Variants in INPP4B observed in about 807,000 individuals in gnomAD.
The protein encoded by INPP4B is inositol polyphosphate-4-phosphatase type II B.
In INPP4B, 55 loss-of-function variants were observed where a neutral mutation model predicts 122.5. That is an observed-to-expected ratio of 0.45 (90% CI 0.36 to 0.56). INPP4B has a LOEUF of 0.56. Ranked by LOEUF, INPP4B falls within the 20% of genes least tolerant of loss-of-function variation. INPP4B has a pLI of 0.00. For missense variants in INPP4B, 1,000 were observed against 1,097.7 expected (o/e 0.91, Z 1.26); for synonymous variants, 403 against 388.7 (o/e 1.04, Z -0.43).
At chr4:142,266,085 A>G (rs993392457) in intron 10 of INPP4B, among the ~76,000 whole-genome samples, 1 of 152,180 alleles carries the variant, frequency 6.6e-6, no homozygotes, top group African/African-American at 2.4e-5. Flanking sequence ...AGGTCTAGGC[A>G]TAATTATCTG....
At chr4:142,112,875 C>T (rs569845269) in intron 21 of INPP4B, among the ~76,000 whole-genome samples, 193 bp from the exon 22 acceptor site, 3 of 152,170 alleles carry the variant, frequency 2.0e-5, no homozygotes, top group Non-Finnish European at 4.4e-5. Context: ...AATTCATTTA[C>T]GTGTGTGATT....
chr4:142,038,721 G>A (rs1745483513), intron 25 of INPP4B, among the ~76,000 whole-genome samples: 1 of 152,182 alleles, frequency 6.6e-6, no homozygotes, highest in Non-Finnish European at 1.5e-5. Context: ...TTATGATTAA[G>A]TGGTTGTTGA....
intron 14 of INPP4B, among the ~76,000 whole-genome samples, chr4:142,193,843 T>G (rs1232750038): frequency 6.6e-6 from 1 of 152,172 alleles, no homozygotes; most frequent in African/African-American, 2.4e-5. Context: ...AAATTGAAAC[T>G]TAATCCTTTG....
chr4:142,456,602 A>G (rs147869622), intron 3 of INPP4B, among the ~76,000 whole-genome samples: 4 of 152,254 alleles, frequency 2.6e-5, no homozygotes, highest in Non-Finnish European at 4.4e-5. Context: ...TATAGAATAT[A>G]AAATATAAAG....
intron 1 of INPP4B, among the ~76,000 whole-genome samples, chr4:142,741,485 G>T (rs1767893278): frequency 1.3e-5 from 2 of 151,958 alleles, no homozygotes; most frequent in African/African-American, 4.8e-5. Context: ...CAATACTGGG[G>T]ATTACATTTC....
chr4:142,063,439 T>C (rs902132268), intron 25 of INPP4B, among the ~76,000 whole-genome samples: 3 of 152,210 alleles, frequency 2.0e-5, no homozygotes, highest in Admixed American at 6.5e-5. Context: ...AAGTCCAGAT[T>C]CTTCCAAGAC....
intron 5 of INPP4B, among the ~76,000 whole-genome samples, chr4:142,410,785 T>C (rs527435894): frequency 3.0e-4 from 46 of 152,314 alleles, no homozygotes; most frequent in Non-Finnish European, 2.9e-4. Context: ...AATGCTAATA[T>C]ATGAGTCCCT....
At chr4:142,410,377 G>A (rs1418657315) in intron 5 of INPP4B, among the ~76,000 whole-genome samples, 3 of 152,168 alleles carry the variant, frequency 2.0e-5, no homozygotes, top group African/African-American at 7.2e-5. Flanking sequence ...GTGAAGTGAG[G>A]TCTTTTCTCT....
chr4:142,288,482 GC>G (rs1754884744), intron 9 of INPP4B, among the ~76,000 whole-genome samples: 1 of 152,156 alleles, frequency 6.6e-6, no homozygotes, highest in South Asian at 2.1e-4. Flanking sequence ...TACTCAGGAG[GC>G]TGAGGCAGGA....
chr4:142,818,325 C>G lies in INPP4B; in HGVS notation c.-254+27884G>C, dbSNP rs958863505. Among the ~76,000 whole-genome samples, 3 of 152,240 alleles carry G rather than the reference C, an allele frequency of 2.0e-5. No homozygotes were observed. The South Asian group carries it at 6.2e-4, about 32-fold the overall frequency. ...ATGCCTGCTTTCCCAGAAACAACAC[C>G]AGGGCAGCTTTTTATGCCATTACTG... is the stretch of plus-strand genomic sequence containing the variant. On this transcript the variant is annotated intron_variant, in intron 1 of 25. Transcript: ENST00000262992.
At chr4:142,673,417 A>C (rs900150001) in intron 2 of INPP4B, among the ~76,000 whole-genome samples, 2 of 96,306 alleles carry the variant, frequency 2.1e-5, no homozygotes, top group African/African-American at 7.3e-5. Context: ...ACCAGGAGAC[A>C]AAAAAAAAAA....
intron 12 of INPP4B, among the ~76,000 whole-genome samples, chr4:142,215,943 T>TGACACTAA (rs2149630111): frequency 8.0e-6 from 1 of 125,368 alleles, no homozygotes; most frequent in Admixed American, 9.0e-5. Context: ...AGAAGGAATC[T>TGACACTAA]GACACTAATG....
At chr4:142,534,163 G>T (rs979062760) in intron 2 of INPP4B, among the ~76,000 whole-genome samples, 3 of 152,036 alleles carry the variant, frequency 2.0e-5, no homozygotes, top group Admixed American at 1.3e-4. Flanking sequence ...AGTTGAAGGG[G>T]TTCATTTCTC....
chr4:142,366,327 T>C (rs1238770968), intron 7 of INPP4B, among the ~76,000 whole-genome samples: 2 of 114,792 alleles, frequency 1.7e-5, no homozygotes, highest in African/African-American at 5.5e-5. Context: ...AACAGCCTTG[T>C]TGCTCACAAA....
intron 2 of INPP4B, among the ~76,000 whole-genome samples, chr4:142,480,894 C>T (rs1375479695): frequency 6.6e-6 from 1 of 151,858 alleles, no homozygotes; most frequent in African/African-American, 2.4e-5. Flanking sequence ...AAGGGAATGT[C>T]TAAGGGTGTT....
At chr4:142,491,127 TG>T (rs1165883475) in intron 2 of INPP4B, among the ~76,000 whole-genome samples, 1 of 151,938 alleles carries the variant, frequency 6.6e-6, no homozygotes, top group Non-Finnish European at 1.5e-5. Context: ...TTTAATTTTT[TG>T]GGGGCCCCCA....
chr4:142,278,292 C>G (rs1255890784), intron 9 of INPP4B, among the ~76,000 whole-genome samples: 1 of 151,858 alleles, frequency 6.6e-6, no homozygotes, highest in Admixed American at 6.6e-5. Flanking sequence ...CATTTCTTCC[C>G]CTTTGGTTTC....
chr4:142,311,335 A>C (rs1765435414), intron 8 of INPP4B, among the ~76,000 whole-genome samples: 1 of 152,080 alleles, frequency 6.6e-6, no homozygotes, highest in African/African-American at 2.4e-5. Flanking sequence ...CCGTGCTTGA[A>C]CTTTAGTTCT....
Position 142,151,851 on chromosome 4 carries a change from G to A in INPP4B, c.1564-5855C>T, listed in dbSNP as rs1011392020. Among the ~76,000 whole-genome samples, 49 of 152,094 alleles carry A rather than the reference G, an allele frequency of 3.2e-4. 1 individual carries two copies. Among genetic ancestry groups the A allele is most frequent in the Admixed American group, 2.4e-3 (36 of 15,270 alleles). On this transcript the variant is annotated intron_variant, in intron 17 of 25. Coordinates refer to ENST00000262992, the MANE Select transcript of INPP4B (RefSeq NM_001101669.3). The stretch of plus-strand genomic sequence containing the variant: ...GCATTAAATCAACATATATTTACTA[G>A]GCATCTGCTATATGCCGGCTCAGCG...
Sources: allele counts gnomAD v4.1 joint callset (sites outside exome capture counted in the v4.1 genomes callset), GRCh38; gene constraint gnomAD v4.1.1; transcripts MANE v1.5; gene names NCBI Gene and HGNC (gene_info 2026-07-23, HGNC 2026-07-21).